Variants in MGAT5 observed in about 807,000 individuals in gnomAD.
The protein encoded by MGAT5 is alpha-1,6-mannosylglycoprotein 6-beta-N-acetylglucosaminyltransferase A.
A neutral mutation model predicts 94.3 loss-of-function variants in MGAT5; 30 were observed. That is an observed-to-expected ratio of 0.32 (90% confidence interval 0.24 to 0.43). MGAT5 has a LOEUF of 0.43. MGAT5 is among the 20% of genes least tolerant of loss of function. The pLI is 1.00. For missense variants in MGAT5, 691 were observed against 905.5 expected (o/e 0.76, Z 3.04); for synonymous variants, 310 against 322.9 (o/e 0.96, Z 0.43).
intron 1 of MGAT5, among the ~76,000 whole-genome samples, chr2:134,215,385 A>G (rs1400184069): frequency 6.6e-6 from 1 of 152,142 alleles, no homozygotes; most frequent in Non-Finnish European, 1.5e-5. Context: ...TTTAGCTCAC[A>G]GTTCTGGAGG....
intron 10 of MGAT5, among the ~76,000 whole-genome samples, chr2:134,394,543 TC>T (rs573783106): frequency 1.2e-4 from 19 of 152,248 alleles, no homozygotes; most frequent in African/African-American, 4.6e-4. Flanking sequence ...GATAGAATTC[TC>T]CCCCCTTCTT....
chr2:134,252,155 A>G (rs1439887711), upstream of MGAT5, among the ~76,000 whole-genome samples: 6 of 152,166 alleles, frequency 3.9e-5, no homozygotes, highest in African/African-American at 1.2e-4. Context: ...CCCTGGGGAA[A>G]GTGGTCTGAG....
chr2:134,124,576 T>C (rs1685756314), intron 1 of MGAT5, among the ~76,000 whole-genome samples: 1 of 152,218 alleles, frequency 6.6e-6, no homozygotes, highest in African/African-American at 2.4e-5. Context: ...TAGCACTCTC[T>C]CTTTGTCACC....
intron 11 of MGAT5, among the ~76,000 whole-genome samples, chr2:134,406,654 T>A (rs892042294): frequency 6.6e-6 from 1 of 151,026 alleles, no homozygotes; most frequent in African/African-American, 2.4e-5. Context: ...AGAGGCTGAG[T>A]CGGGCAAATT....
intron 10 of MGAT5, among the ~76,000 whole-genome samples, chr2:134,383,275 A>G (rs1573974817): frequency 6.6e-6 from 1 of 152,354 alleles, no homozygotes; most frequent in East Asian, 1.9e-4. Flanking sequence ...TTCTGAATAA[A>G]AAACAATGAG....
intron 2 of MGAT5, among the ~76,000 whole-genome samples, chr2:134,310,300 C>A (rs1686571055): frequency 6.6e-6 from 1 of 152,202 alleles, no homozygotes; most frequent in African/African-American, 2.4e-5. Flanking sequence ...ACTCAGAAGG[C>A]AAATGCCTCG....
chr2:134,436,259 C>A (rs1558885687), intron 14 of MGAT5, among the ~76,000 whole-genome samples: 1 of 152,226 alleles, frequency 6.6e-6, no homozygotes. Context: ...CCCAGATCCC[C>A]AGCTTTCTCC....
intron 1 of MGAT5, among the ~76,000 whole-genome samples, chr2:134,163,556 A>T (rs1051491966): frequency 6.6e-6 from 1 of 152,246 alleles, no homozygotes; most frequent in Non-Finnish European, 1.5e-5. Context: ...GAAAAAAGGC[A>T]GACATCTTAC....
intron 4 of MGAT5, among the ~76,000 whole-genome samples, chr2:134,325,629 A>G (rs1687598075): frequency 6.6e-6 from 1 of 152,152 alleles, no homozygotes; most frequent in Non-Finnish European, 1.5e-5. Flanking sequence ...TTCACACCTG[A>G]AAATTAACAT....
At chr2:134,260,707 T>TTTTC (rs1683277128) in intron 1 of MGAT5, among the ~76,000 whole-genome samples, 1 of 103,866 alleles carries the variant, frequency 9.6e-6, no homozygotes, top group Non-Finnish European at 1.8e-5. Context: ...TTTTTCTTTT[T>TTTTC]TTTTTTTTTT....
rs181262161 is a variant in MGAT5 at position 134,172,137 on chromosome 2, A to G, written c.-143+51846A>G. Among the ~76,000 whole-genome samples, 261 of 152,320 alleles carry G rather than the reference A, an allele frequency of 1.7e-3. 1 individual carries two copies. Among genetic ancestry groups the G allele is most frequent in the African/African-American group, 5.5e-3 (229 of 41,566 alleles). Reference sequence around the variant, plus strand: ...CAGTACAAATTTATTGAGCTTGACCATGGCCACTTAATTCTTATGTAGAAA... The same window carrying G: ...CAGTACAAATTTATTGAGCTTGACCGTGGCCACTTAATTCTTATGTAGAAA... On this transcript the variant is annotated intron_variant, in intron 1 of 16. Transcript: ENST00000409645.
intron 2 of MGAT5, among the ~76,000 whole-genome samples, chr2:134,312,276 C>G (rs1446865685): frequency 6.6e-6 from 1 of 152,052 alleles, no homozygotes; most frequent in Non-Finnish European, 1.5e-5. Context: ...CTCATACAAC[C>G]ATAAACCTCT....
chr2:134,311,207 T>C (rs1487124939), intron 2 of MGAT5, among the ~76,000 whole-genome samples: 4 of 152,218 alleles, frequency 2.6e-5, no homozygotes, highest in African/African-American at 4.8e-5. Flanking sequence ...CAGATACTCA[T>C]GTTCTTTGAG....
chr2:134,301,925 G>A (rs1686044477), intron 2 of MGAT5, among the ~76,000 whole-genome samples: 1 of 152,116 alleles, frequency 6.6e-6, no homozygotes, highest in African/African-American at 2.4e-5. Context: ...AGAGACCTGG[G>A]GGATGCAAGT....
chr2:134,242,723 A>G (rs1682036428), intron 1 of MGAT5, among the ~76,000 whole-genome samples: 1 of 152,216 alleles, frequency 6.6e-6, no homozygotes, highest in Admixed American at 6.5e-5. Context: ...TCGAGTAGCA[A>G]TGTTATAGAG....
chr2:134,380,967 G>GA (rs1681501834), intron 10 of MGAT5, among the ~76,000 whole-genome samples: 1 of 152,174 alleles, frequency 6.6e-6, no homozygotes, highest in Non-Finnish European at 1.5e-5. Flanking sequence ...TATGTTCTAT[G>GA]AAAAATAAAC....
chr2:134,334,955 TAAGAG>T (rs2105974235), intron 4 of MGAT5, among the ~76,000 whole-genome samples: 1 of 152,312 alleles, frequency 6.6e-6, no homozygotes, highest in African/African-American at 2.4e-5. Context: ...CGTAAGAAGA[TAAGAG>T]AATATTTCAC....
chr2:134,389,019 C>T (rs927948233), intron 10 of MGAT5, among the ~76,000 whole-genome samples: 5 of 152,090 alleles, frequency 3.3e-5, no homozygotes, highest in African/African-American at 1.2e-4. Context: ...CCTCGGCCTC[C>T]CAAAGTGCTG....
intron 1 of MGAT5, among the ~76,000 whole-genome samples, chr2:134,266,525 T>C (rs1683729498): frequency 6.6e-6 from 1 of 152,236 alleles, no homozygotes; most frequent in Non-Finnish European, 1.5e-5. Flanking sequence ...CAGCCTGTTA[T>C]TTCTTTAAAG....
Sources: gnomAD v4.1 joint callset for allele counts (sites outside exome capture counted in the v4.1 genomes callset) on GRCh38, gnomAD v4.1.1 for gene constraint, MANE v1.5 for transcripts, NCBI Gene and HGNC (gene_info 2026-07-23, HGNC 2026-07-21) for gene names.